The following GABBR2 variants were observed in gnomAD, a reference collection of about 807,000 sequenced individuals.
GABBR2 encodes the protein gamma-aminobutyric acid type B receptor subunit 2, also known as G-protein coupled receptor 51.
A neutral mutation model predicts 105.6 loss-of-function variants in GABBR2; 23 were observed. The ratio of observed to expected loss-of-function variants is 0.22; its 90% CI spans 0.16 to 0.31. The LOEUF (loss-of-function observed/expected upper bound fraction) is 0.31, where lower values mean the gene tolerates loss of function less well. GABBR2 is among the 10% of genes least tolerant of loss of function. The pLI, the probability that GABBR2 is intolerant of heterozygous loss-of-function variation, is 1.00. For synonymous variants in GABBR2, 478 were observed against 499.7 expected (o/e 0.96, Z 0.58); for missense variants, 734 against 1,245.5 (o/e 0.59, Z 6.18).
chr9:98,708,363 C>T lies in GABBR2; in HGVS notation c.321+54G>A, dbSNP rs1257836107. 6 of 1,303,478 alleles carry T rather than the reference C, an allele frequency of 4.6e-6. No individual in the cohort carries two copies. The African/African-American group carries it at 6.1e-5, about 13-fold the overall frequency. The allele number at this position is 1,303,478 out of a possible 1,614,324, so 80.7% of individuals were successfully genotyped here. On this transcript the variant is annotated intron_variant, in intron 1 of 18. Coordinates refer to ENST00000259455, the MANE Select transcript of GABBR2 (RefSeq NM_005458.8). ...GGCCGGAGGTTGCCTGTGTCCAAAC[C>T]ACCCACCCCAATGCCCCCCGAAGCC...
chr9:98,379,148 C>T (rs1831927603), intron 11 of GABBR2, among the ~76,000 whole-genome samples: 1 of 152,210 alleles, frequency 6.6e-6, no homozygotes, highest in Admixed American at 6.5e-5. Flanking sequence ...TTGGCTTTGA[C>T]TTAGGCAGGA....
intron 13 of GABBR2, among the ~76,000 whole-genome samples, chr9:98,355,837 C>T (rs547286455): frequency 1.3e-5 from 2 of 152,274 alleles, no homozygotes; most frequent in African/African-American, 4.8e-5. Context: ...GCTATGCTAA[C>T]CAACATAGGG....
intron 1 of GABBR2, among the ~76,000 whole-genome samples, chr9:98,618,645 A>C (rs957171348): frequency 6.6e-6 from 1 of 150,826 alleles, no homozygotes; most frequent in East Asian, 1.9e-4. Context: ...TGTCTCTGTG[A>C]GTGCTTCTCT....
At chr9:98,674,462 G>A (rs1830449346) in intron 1 of GABBR2, among the ~76,000 whole-genome samples, 1 of 152,116 alleles carries the variant, frequency 6.6e-6, no homozygotes, top group Admixed American at 6.5e-5. Flanking sequence ...GTGCCTGGTG[G>A]GCAGTGAGGG....
In GABBR2 at chr9:98,311,021, A is replaced by T. The variant is rs1290615584; in HGVS notation, c.2004+74T>A. ...GGAGGCTCTGTTTATTTTTACATTG[A>T]TGGAGGCCCCTGGGAGACAGAGGCC... On this transcript the variant is annotated intron_variant, in intron 14 of 18. Coordinates refer to ENST00000259455, the MANE Select transcript of GABBR2 (RefSeq NM_005458.8). 5 of 801,002 alleles carry T rather than the reference A, an allele frequency of 6.2e-6. No homozygotes were observed. The East Asian group carries it at 1.2e-4, about 20-fold the overall frequency. The allele number at this position is 801,002 out of a possible 1,614,324, so 49.6% of individuals were successfully genotyped here.
chr9:98,371,910 T>C (rs1436815395), intron 11 of GABBR2, among the ~76,000 whole-genome samples: 1 of 152,146 alleles, frequency 6.6e-6, no homozygotes, highest in African/African-American at 2.4e-5. Context: ...TCCAGCCCTC[T>C]GGCCTTCACT....
At position 98,445,786 on chromosome 9, in the gene GABBR2, A is replaced by G. The variant is rs796865890; in HGVS notation, c.1236+8195T>C. 2.2e-4 allele frequency among the ~76,000 whole-genome samples: 34 copies of G among 152,342 alleles called. 1 individual carries two copies. The highest frequency in any genetic ancestry group is 7.7e-4 in the African/African-American group (32 of 41,576). ...GTAGGGAAGGCAGCAGGTGTGAGCC[A>G]TTAGCAGGGGCACCTGCAGCAGCTG... On this transcript the variant is annotated intron_variant, in intron 7 of 18. Coordinates refer to ENST00000259455, the MANE Select transcript of GABBR2 (RefSeq NM_005458.8).
At chr9:98,614,825 C>T (rs1360082075) in intron 1 of GABBR2, among the ~76,000 whole-genome samples, 2 of 152,066 alleles carry the variant, frequency 1.3e-5, no homozygotes, top group Non-Finnish European at 2.9e-5. Flanking sequence ...AAGATCAACC[C>T]TGCAGAACTT....
intron 2 of GABBR2, among the ~76,000 whole-genome samples, chr9:98,576,822 A>G (rs930708116): frequency 4.6e-5 from 7 of 152,204 alleles, no homozygotes; most frequent in African/African-American, 1.4e-4. Context: ...GAATAATGTG[A>G]ACCATACCTA....
At chr9:98,415,177 C>A (rs868424244) in intron 7 of GABBR2, among the ~76,000 whole-genome samples, 22 of 151,972 alleles carry the variant, frequency 1.4e-4, no homozygotes, top group African/African-American at 5.3e-4. Flanking sequence ...CTGGTTGGTC[C>A]CGGGAGTGTG....
At chr9:98,623,050 CAA>C (rs1829690201) in intron 1 of GABBR2, among the ~76,000 whole-genome samples, 2 of 152,218 alleles carry the variant, frequency 1.3e-5, no homozygotes, top group Non-Finnish European at 1.5e-5. Flanking sequence ...GTGTGGGAGG[CAA>C]AGAGTATGTG....
intron 17 of GABBR2, 53 bp downstream of exon 17, chr9:98,299,171 C>T (rs933830353): frequency 6.8e-7 from 1 of 1,472,244 alleles, no homozygotes; most frequent in Non-Finnish European, 9.5e-7. Context: ...AGATGAACAG[C>T]TGGTGTTTGA....
chr9:98,510,091 C>A (rs1330469754), intron 3 of GABBR2, among the ~76,000 whole-genome samples: 3 of 152,200 alleles, frequency 2.0e-5, no homozygotes, highest in Admixed American at 6.5e-5. Context: ...ACTCTACAAG[C>A]CAGAAGAGAG....
chr9:98,373,284 T>TACAACAATAAAAAGAAATA (rs1339364578), intron 11 of GABBR2, among the ~76,000 whole-genome samples: 1 of 152,184 alleles, frequency 6.6e-6, no homozygotes, highest in African/African-American at 2.4e-5. Flanking sequence ...AGGCAAAGTA[T>TACAACAATAAAAAGAAATA]ACAACAATAA....
chr9:98,573,182 G>A (rs1828857206), intron 2 of GABBR2, among the ~76,000 whole-genome samples: 1 of 152,202 alleles, frequency 6.6e-6, no homozygotes, highest in Non-Finnish European at 1.5e-5. Context: ...CAGACACTGG[G>A]AACCAGGAGA....
At chr9:98,668,137 C>A (rs1206231578) in intron 1 of GABBR2, among the ~76,000 whole-genome samples, 1 of 152,234 alleles carries the variant, frequency 6.6e-6, no homozygotes, top group East Asian at 1.9e-4. Context: ...CTGCCCCCTC[C>A]CTCCTACCGT....
intron 13 of GABBR2, among the ~76,000 whole-genome samples, chr9:98,317,191 A>G (rs1276487098): frequency 1.3e-5 from 2 of 152,198 alleles, no homozygotes; most frequent in Non-Finnish European, 2.9e-5. Context: ...CTGGCAGGGC[A>G]CCGTGTCCAG....
At chr9:98,398,552 C>T (rs903268350) in intron 8 of GABBR2, among the ~76,000 whole-genome samples, 1 of 152,152 alleles carries the variant, frequency 6.6e-6, no homozygotes, top group Non-Finnish European at 1.5e-5. Flanking sequence ...AAAACCTGCT[C>T]TGTGTGACGT....
intron 1 of GABBR2, among the ~76,000 whole-genome samples, chr9:98,699,201 T>A (rs1298277879): frequency 6.6e-6 from 1 of 152,166 alleles, no homozygotes; most frequent in Non-Finnish European, 1.5e-5. Context: ...ACTGACCTCC[T>A]AAAACCATAA....
Sources: allele counts gnomAD v4.1 joint callset (sites outside exome capture counted in the v4.1 genomes callset), GRCh38; gene constraint gnomAD v4.1.1; transcripts MANE v1.5; gene names NCBI Gene and HGNC (gene_info 2026-07-23, HGNC 2026-07-21).